Variants in PHIP observed in about 807,000 individuals in gnomAD.
The protein encoded by PHIP is PHIP subunit of CUL4-Ring ligase complex, also known as PH-interacting protein.
In PHIP, 54 loss-of-function variants were observed where a neutral mutation model predicts 236.8. That is an observed-to-expected ratio of 0.23 (90% CI 0.18 to 0.29). The LOEUF is 0.29. Ranked by LOEUF, PHIP falls within the 10% of genes least tolerant of loss-of-function variation. The probability of loss-of-function intolerance (pLI) is 1.00; values close to 1 mark genes in which losing one functional copy is unlikely to be tolerated. For synonymous variants in PHIP, 756 were observed against 718.9 expected, an observed-to-expected ratio of 1.05 and a Z score of -0.83; for missense variants, 1,370 against 2,190.8, an observed-to-expected ratio of 0.63 and a Z score of 7.48.
intron 6 of PHIP, among the ~76,000 whole-genome samples, chr6:79,047,515 T>C (rs1772562920): frequency 6.6e-6 from 1 of 152,192 alleles, no homozygotes; most frequent in African/African-American, 2.4e-5. Context: ...TTAACAGCTA[T>C]GTTGTATTCC....
intron 15 of PHIP, among the ~76,000 whole-genome samples, chr6:79,010,408 A>G (rs981519013): frequency 6.6e-6 from 1 of 151,870 alleles, no homozygotes; most frequent in Non-Finnish European, 1.5e-5. Context: ...TTTTTTAAAA[A>G]AATCTCTTAA....
chr6:78,943,988 TTTAAAAAAAAAA>T (rs1339581895), intron 39 of PHIP, among the ~76,000 whole-genome samples: 8 of 24,348 alleles, frequency 3.3e-4, no homozygotes, highest in South Asian at 2.9e-3. Flanking sequence ...CCTGTCTTTT[TTTAAAAAAAAAA>T]AAAAAAAAAA....
At chr6:79,047,926 C>G (rs981846677) in intron 6 of PHIP, among the ~76,000 whole-genome samples, 1 of 151,632 alleles carries the variant, frequency 6.6e-6, no homozygotes, top group African/African-American at 2.4e-5. Context: ...TTTGTTCCAG[C>G]CTTTCCATTT....
At chr6:79,077,607 C>G in intron 3 of PHIP, 93 bp downstream of exon 3, 1 of 879,048 alleles carries the variant, frequency 1.1e-6, no homozygotes, top group Non-Finnish European at 1.4e-6. Context: ...CCGAGCCCCG[C>G]GCCCCGCGCC....
intron 15 of PHIP, among the ~76,000 whole-genome samples, chr6:79,013,070 C>T (rs1224033674): frequency 6.6e-6 from 1 of 151,676 alleles, no homozygotes; most frequent in Non-Finnish European, 1.5e-5. Flanking sequence ...GTTTATGCTC[C>T]AAGTGCCCGC....
chr6:78,940,660 T>TAA lies in PHIP; in HGVS notation c.*32_*33insTT. 6.8e-7 allele frequency: 1 copy of TAA among 1,472,638 alleles called. No individual in the cohort carries two copies. The highest frequency in any genetic ancestry group is 1.9e-4 in the Middle Eastern group (1 of 5,300). The allele number at this position is 1,472,638 out of a possible 1,614,324, so 91.2% of individuals were successfully genotyped here. On this transcript the variant is annotated 3_prime_UTR_variant, in exon 40 of 40. Coordinates refer to ENST00000275034, the MANE Select transcript of PHIP (RefSeq NM_017934.7). ...ACTTATTCCTTAACTGTACCTGCTTTATAGATTTTGAAGTAAAATATTTTG... is the reference window on the plus strand; with the variant it reads ...ACTTATTCCTTAACTGTACCTGCTTTAAATAGATTTTGAAGTAAAATATTTTG...
chr6:78,957,761 C>T (rs1291055291), intron 32 of PHIP: 1 of 151,862 alleles, frequency 6.6e-6, no homozygotes, highest in African/African-American at 2.4e-5. Flanking sequence ...CATTTCTCTG[C>T]CTTCAACTTA....
chr6:78,987,676 T>C (rs907841442), intron 21 of PHIP, among the ~76,000 whole-genome samples: 7 of 152,112 alleles, frequency 4.6e-5, no homozygotes, highest in African/African-American at 1.7e-4. Context: ...TGATTGCAAA[T>C]TGATTGCCTT....
chr6:78,966,708 G>C (rs1370747536), intron 27 of PHIP, among the ~76,000 whole-genome samples: 4 of 152,170 alleles, frequency 2.6e-5, no homozygotes, highest in Admixed American at 2.0e-4. Context: ...ACCTGAACAA[G>C]CTATAAATGC....
At position 79,044,255 on chromosome 6, in the gene PHIP, G is replaced by A. The variant is rs114409588; in HGVS notation, c.440-1252C>T. Among the ~76,000 whole-genome samples the A allele has an allele frequency of 5.9e-3, 895 of 152,126 alleles. 4 individuals are homozygous for A. The highest frequency in any genetic ancestry group is 0.02 in the African/African-American group (824 of 41,502). ...ATTCTGATACAGTATTTCTCTTGCT[G>A]TTAGCATGTAAGTTCTATGCAACAA... On this transcript the variant is annotated intron_variant, in intron 6 of 39. Coordinates refer to ENST00000275034, the MANE Select transcript of PHIP (RefSeq NM_017934.7).
intron 24 of PHIP, among the ~76,000 whole-genome samples, chr6:78,972,766 G>T (rs1767689864): frequency 6.6e-6 from 1 of 152,166 alleles, no homozygotes; most frequent in Non-Finnish European, 1.5e-5. Context: ...TGAACTGGAA[G>T]AAAGGGTATC....
intron 7 of PHIP, among the ~76,000 whole-genome samples, chr6:79,036,648 C>G (rs1411252092): frequency 6.6e-6 from 1 of 152,042 alleles, no homozygotes; most frequent in Admixed American, 6.6e-5. Context: ...CTGGGCCAGG[C>G]GCGGTGGCTC....
intron 28 of PHIP, 70 bp downstream of exon 28, chr6:78,965,875 C>T: frequency 8.0e-7 from 1 of 1,242,826 alleles, no homozygotes; most frequent in Middle Eastern, 1.9e-4. Context: ...GTCTCTTTAT[C>T]TCTTAATAGA....
chr6:79,073,109 C>T (rs1038497239), intron 4 of PHIP, among the ~76,000 whole-genome samples: 2 of 152,106 alleles, frequency 1.3e-5, no homozygotes, highest in African/African-American at 4.8e-5. Context: ...TTCCAGCTCC[C>T]GCTTTATGCT....
At chr6:79,015,904 TGA>T in intron 13 of PHIP, 121 bp from the exon 14 acceptor site, 1 of 630,448 alleles carries the variant, frequency 1.6e-6, no homozygotes, top group Non-Finnish European at 2.6e-6. Flanking sequence ...TAACAGTAAC[TGA>T]GAAGTTTGAA....
intron 23 of PHIP, among the ~76,000 whole-genome samples, chr6:78,981,543 A>T (rs1450009606): frequency 6.6e-6 from 1 of 152,110 alleles, no homozygotes; most frequent in East Asian, 1.9e-4. Flanking sequence ...TTAACAATAG[A>T]TCTATATGTG....
At chr6:78,947,817 C>G in intron 35 of PHIP, 42 bp from the exon 36 acceptor site, 1 of 1,404,304 alleles carries the variant, frequency 7.1e-7, no homozygotes, top group Non-Finnish European at 1.0e-6. Flanking sequence ...TATTACTACA[C>G]AAAGCATCAC....
chr6:79,004,067 C>A (rs1238157611), intron 15 of PHIP, among the ~76,000 whole-genome samples: 2 of 151,908 alleles, frequency 1.3e-5, no homozygotes, highest in African/African-American at 2.4e-5. Flanking sequence ...ATCCACAGAC[C>A]AAACACAATT....
chr6:79,028,353 A>T (rs768844284), intron 7 of PHIP, among the ~76,000 whole-genome samples: 3 of 152,206 alleles, frequency 2.0e-5, no homozygotes, highest in Non-Finnish European at 4.4e-5. Flanking sequence ...AGACCAGCTG[A>T]AAGTTGTTAA....
Sources: allele counts gnomAD v4.1 joint callset (sites outside exome capture counted in the v4.1 genomes callset), GRCh38; gene constraint gnomAD v4.1.1; transcripts MANE v1.5; gene names NCBI Gene and HGNC (gene_info 2026-07-23, HGNC 2026-07-21).